ZNF385D: variants seen among roughly 807,000 people sequenced by gnomAD.
ZNF385D encodes the protein zinc finger protein 659.
A neutral mutation model predicts 35.8 loss-of-function variants in ZNF385D; 15 were observed. The ratio of observed to expected loss-of-function variants is 0.42; its 90% CI spans 0.28 to 0.64. ZNF385D has a LOEUF of 0.64. Among genes scored for constraint, ZNF385D ranks in the 30% least tolerant of loss-of-function variants. The pLI, the probability that ZNF385D is intolerant of heterozygous loss-of-function variation, is 0.23. For synonymous variants in ZNF385D, 212 were observed against 186.8 expected (o/e 1.13, Z -1.10); for missense variants, 474 against 494.6 (o/e 0.96, Z 0.39).
intron 3 of ZNF385D, among the ~76,000 whole-genome samples, chr3:21,942,101 CACTTTA>C (rs10599994): frequency 0.024 from 3,636 of 152,130 alleles, 148 homozygotes; most frequent in African/African-American, 0.08. Flanking sequence ...AAAACAGTAA[CACTTTA>C]ACTTTATGTG....
intron 1 of ZNF385D, among the ~76,000 whole-genome samples, chr3:21,718,940 A>C (rs574005293): frequency 6.6e-6 from 1 of 152,326 alleles, no homozygotes; most frequent in South Asian, 2.1e-4. Context: ...TAAAATTCTA[A>C]CCCAAAAAAA....
chr3:22,239,388 A>T (rs1221584331), intron 2 of ZNF385D, among the ~76,000 whole-genome samples: 1 of 150,998 alleles, frequency 6.6e-6, no homozygotes, highest in African/African-American at 2.5e-5. Flanking sequence ...AAATTTGCTA[A>T]CCCTTGTTTT....
chr3:21,911,401 T>C (rs1195165746), intron 3 of ZNF385D, among the ~76,000 whole-genome samples: 1 of 151,928 alleles, frequency 6.6e-6, no homozygotes, highest in Non-Finnish European at 1.5e-5. Context: ...TGTGACAAGG[T>C]CATGCTGGGG....
At chr3:21,597,896 C>T (rs1374670972) in intron 2 of ZNF385D, among the ~76,000 whole-genome samples, 1 of 152,130 alleles carries the variant, frequency 6.6e-6, no homozygotes, top group East Asian at 1.9e-4. Context: ...AAAAAACACA[C>T]ACAGGGATCT....
chr3:21,633,595 G>A (rs937574305), intron 2 of ZNF385D, among the ~76,000 whole-genome samples: 1 of 152,022 alleles, frequency 6.6e-6, no homozygotes, highest in East Asian at 1.9e-4. Context: ...ATGCTGCTCT[G>A]AATATTAGTT....
At chr3:21,537,576 TTAAA>T (rs2062067073) in intron 3 of ZNF385D, among the ~76,000 whole-genome samples, 1 of 152,144 alleles carries the variant, frequency 6.6e-6, no homozygotes, top group Admixed American at 6.5e-5. Context: ...ATTTTATCAT[TTAAA>T]TATTTATTAA....
At chr3:21,678,699 G>C (rs2066805993) in intron 1 of ZNF385D, among the ~76,000 whole-genome samples, 1 of 152,078 alleles carries the variant, frequency 6.6e-6, no homozygotes, top group African/African-American at 2.4e-5. Context: ...GCTTTGAGCA[G>C]GAATGCCTGC....
intron 2 of ZNF385D, among the ~76,000 whole-genome samples, chr3:22,361,768 C>T (rs1432950186): frequency 6.6e-6 from 1 of 151,844 alleles, no homozygotes; most frequent in East Asian, 1.9e-4. Context: ...ATGTTGCCAC[C>T]CACAAATTAC....
chr3:21,696,362 TA>T (rs575395590), intron 1 of ZNF385D, among the ~76,000 whole-genome samples: 196 of 152,320 alleles, frequency 1.3e-3, no homozygotes, highest in African/African-American at 3.5e-3. Flanking sequence ...CTCTTATGCC[TA>T]AGCATGCTGG....
intron 3 of ZNF385D, among the ~76,000 whole-genome samples, chr3:22,013,311 T>C (rs1041881382): frequency 6.6e-6 from 1 of 152,164 alleles, no homozygotes; most frequent in African/African-American, 2.4e-5. Flanking sequence ...ATAAATTCTA[T>C]TACATTTGCT....
At chr3:21,492,581 G>A (rs1349786623) in intron 4 of ZNF385D, among the ~76,000 whole-genome samples, 1 of 151,290 alleles carries the variant, frequency 6.6e-6, no homozygotes, top group Non-Finnish European at 1.5e-5. Context: ...TTAGGAGTTC[G>A]AGACTAGCCT....
intron 1 of ZNF385D, among the ~76,000 whole-genome samples, chr3:21,699,193 G>A (rs774619436): frequency 1.6e-4 from 24 of 152,192 alleles, no homozygotes; most frequent in African/African-American, 5.3e-4. Flanking sequence ...TTGCAGGGAC[G>A]TGGATGAAGC....
intron 3 of ZNF385D, among the ~76,000 whole-genome samples, chr3:21,943,688 C>T (rs1165452221): frequency 2.0e-5 from 3 of 151,974 alleles, no homozygotes; most frequent in Non-Finnish European, 4.4e-5. Flanking sequence ...CTAATGTAAA[C>T]ATGTAGATTT....
At chr3:22,204,453 C>A (rs1466965946) in intron 2 of ZNF385D, among the ~76,000 whole-genome samples, 1 of 151,966 alleles carries the variant, frequency 6.6e-6, no homozygotes, top group Non-Finnish European at 1.5e-5. Flanking sequence ...GCCCAGAAAG[C>A]AATGAACATC....
chr3:21,567,786 A>C (rs2063201421), intron 2 of ZNF385D, among the ~76,000 whole-genome samples: 1 of 152,202 alleles, frequency 6.6e-6, no homozygotes, highest in African/African-American at 2.4e-5. Context: ...CTCTCCGAAA[A>C]TACATACTGC....
At chr3:21,512,162 A>AG (rs1707265473) in intron 3 of ZNF385D, among the ~76,000 whole-genome samples, 2 of 151,552 alleles carry the variant, frequency 1.3e-5, no homozygotes, top group South Asian at 4.2e-4. Context: ...AAAAAAAAAA[A>AG]AAGAAGTACA....
At chr3:22,091,843 T>C (rs140393647) in intron 3 of ZNF385D, among the ~76,000 whole-genome samples, 2 of 152,232 alleles carry the variant, frequency 1.3e-5, no homozygotes, top group East Asian at 3.9e-4. Flanking sequence ...TTTTATTTTA[T>C]ATACAAGTGG....
At chr3:22,009,049 A>G (rs1425357202) in intron 3 of ZNF385D, among the ~76,000 whole-genome samples, 1 of 152,204 alleles carries the variant, frequency 6.6e-6, no homozygotes, top group Admixed American at 6.5e-5. Context: ...TTGGGTAACA[A>G]GGGAGGAACT....
chr3:21,710,427 G>T (rs1157999021), intron 1 of ZNF385D, among the ~76,000 whole-genome samples: 1 of 152,104 alleles, frequency 6.6e-6, no homozygotes, highest in Admixed American at 6.5e-5. Flanking sequence ...TTTTTATAAA[G>T]TTCAACTGTA....
Sources: gnomAD v4.1 joint callset for allele counts (sites outside exome capture counted in the v4.1 genomes callset) on GRCh38, gnomAD v4.1.1 for gene constraint, MANE v1.5 for transcripts, NCBI Gene and HGNC (gene_info 2026-07-23, HGNC 2026-07-21) for gene names.